MICU1: variants seen among roughly 807,000 people sequenced by gnomAD.
MICU1 encodes the protein calcium uptake protein 1, mitochondrial.
Under a neutral mutation model 56.8 loss-of-function variants are expected in MICU1, and 45 were observed. That is an observed-to-expected ratio of 0.79 (90% CI 0.62 to 1.02). MICU1 has a LOEUF of 1.02. MICU1 is among the 50% of genes least tolerant of loss of function. MICU1 has a pLI of 0.00. For missense variants in MICU1, 504 were observed against 587.1 expected (o/e 0.86, Z 1.46); for synonymous variants, 186 against 195.1 (o/e 0.95, Z 0.39).
At chr10:72,449,036 C>T (rs1243093601) in intron 8 of MICU1, among the ~76,000 whole-genome samples, 9 of 152,134 alleles carry the variant, frequency 5.9e-5, no homozygotes, top group Non-Finnish European at 1.0e-4. Flanking sequence ...TGGGCTCAAG[C>T]GATCTTCCTG....
chr10:72,589,393 C>T (rs1356467810), intron 1 of MICU1, among the ~76,000 whole-genome samples: 1 of 152,114 alleles, frequency 6.6e-6, no homozygotes, highest in Admixed American at 6.5e-5. Context: ...AATGCTTCTT[C>T]TGAAGACTCA....
intron 10 of MICU1, among the ~76,000 whole-genome samples, chr10:72,399,258 A>G (rs1863368759): frequency 6.6e-6 from 1 of 152,060 alleles, no homozygotes; most frequent in Non-Finnish European, 1.5e-5. Context: ...TGGGAACTGA[A>G]CAATGAGATC....
rs146691422 is a variant in MICU1 at position 72,613,250 on chromosome 10, G to A, written c.-2+12760C>T. 9.7e-3 allele frequency among the ~76,000 whole-genome samples: 1,451 copies of A among 150,206 alleles called. 87 individuals carry two copies. Among genetic ancestry groups the A allele is most frequent in the Admixed American group, 0.09 (1,346 of 14,962 alleles). ...CAAAGTAAATTACAGACATTATTAG[G>A]AGAAACACTTTACCCCTAATTTTTT... On this transcript the variant is annotated intron_variant, in intron 1 of 11. Coordinates refer to ENST00000361114, the MANE Select transcript of MICU1 (RefSeq NM_001195518.2).
intron 1 of MICU1, among the ~76,000 whole-genome samples, chr10:72,595,009 A>C (rs753727520): frequency 5.3e-5 from 8 of 151,676 alleles, no homozygotes; most frequent in Non-Finnish European, 1.2e-4. Context: ...TGATACATTT[A>C]TATAAGCATA....
chr10:72,465,017 T>C (rs182398889), intron 8 of MICU1, among the ~76,000 whole-genome samples: 164 of 152,288 alleles, frequency 1.1e-3, no homozygotes, highest in Admixed American at 3.5e-3. Flanking sequence ...AAAAATTTTT[T>C]TGAGATGGAG....
intron 1 of MICU1, among the ~76,000 whole-genome samples, chr10:72,599,491 C>T (rs1464895065): frequency 6.6e-6 from 1 of 152,140 alleles, no homozygotes; most frequent in Non-Finnish European, 1.5e-5. Flanking sequence ...ATGCTCTACA[C>T]ACTACACACC....
At position 72,529,385 on chromosome 10, in the gene MICU1, T is replaced by C. The variant is rs142143907; in HGVS notation, c.537+4361A>G. On this transcript the variant is annotated intron_variant, in intron 5 of 11. Transcript: ENST00000361114. Reference sequence around the variant, plus strand: ...GAAATACATGGTGGTATGATGATAATGAACAATTGGTTTCAATAGACAATT... The same window carrying C: ...GAAATACATGGTGGTATGATGATAACGAACAATTGGTTTCAATAGACAATT... 3.1e-3 allele frequency among the ~76,000 whole-genome samples: 468 copies of C among 152,326 alleles called. 1 individual carries two copies. The highest frequency in any genetic ancestry group is 5.5e-3 in the Non-Finnish European group (377 of 68,012).
chr10:72,540,282 A>AG (rs1839740033), intron 4 of MICU1, among the ~76,000 whole-genome samples: 1 of 151,798 alleles, frequency 6.6e-6, no homozygotes, highest in South Asian at 2.1e-4. Context: ...AAAAAAAAAA[A>AG]AAAAGAAAAG....
intron 8 of MICU1, among the ~76,000 whole-genome samples, chr10:72,439,516 C>T (rs536840509): frequency 6.6e-6 from 1 of 152,274 alleles, no homozygotes; most frequent in South Asian, 2.1e-4. Flanking sequence ...TCTCTCACCA[C>T]TCCTATTCAA....
chr10:72,385,106 C>T lies in MICU1; in HGVS notation c.1181-9234G>A, dbSNP rs1862844004. On this transcript the variant is annotated intron_variant, in intron 10 of 11. Coordinates refer to ENST00000361114, the MANE Select transcript of MICU1 (RefSeq NM_001195518.2). ...TAGGTCCTTCTAGCAGCAGTAGGTG[C>T]CAGGGTACTAATGAGAACCCTGGTG... is the stretch of plus-strand genomic sequence containing the variant. 2.0e-5 allele frequency among the ~76,000 whole-genome samples: 3 copies of T among 152,220 alleles called. No homozygotes were observed. In the South Asian group the frequency reaches 6.2e-4, roughly 32 times the overall value.
intron 8 of MICU1, among the ~76,000 whole-genome samples, chr10:72,454,542 G>C (rs996362291): frequency 1.3e-4 from 19 of 151,878 alleles, no homozygotes; most frequent in African/African-American, 4.6e-4. Context: ...CAGCACTTTG[G>C]GAGGCCAAGG....
At chr10:72,552,713 C>A (rs1482906123) in intron 3 of MICU1, among the ~76,000 whole-genome samples, 1 of 152,104 alleles carries the variant, frequency 6.6e-6, no homozygotes, top group Non-Finnish European at 1.5e-5. Context: ...GGCCATCACG[C>A]CCGGCTAATG....
chr10:72,580,114 CTGT>C (rs1663691083), intron 1 of MICU1, among the ~76,000 whole-genome samples: 1 of 152,078 alleles, frequency 6.6e-6, no homozygotes, highest in South Asian at 2.1e-4. Flanking sequence ...GAGTTTATCA[CTGT>C]TGTTGTGAGA....
At chr10:72,588,098 G>C (rs1841115187) in intron 1 of MICU1, among the ~76,000 whole-genome samples, 1 of 152,146 alleles carries the variant, frequency 6.6e-6, no homozygotes, top group Non-Finnish European at 1.5e-5. Flanking sequence ...TCCCCTCGCT[G>C]TTCTGTGACA....
intron 5 of MICU1, among the ~76,000 whole-genome samples, chr10:72,518,281 G>A (rs1369224311): frequency 1.3e-5 from 2 of 151,964 alleles, no homozygotes; most frequent in African/African-American, 4.8e-5. Flanking sequence ...TGATCCTCCT[G>A]CCTTGGCCTC....
rs1377723491 is a variant in MICU1 at position 72,368,039 on chromosome 10, G to C, written c.*156C>G. On this transcript the variant is annotated 3_prime_UTR_variant, in exon 12 of 12. Transcript: ENST00000361114. The stretch of plus-strand genomic sequence containing the variant: ...CAGAGCCCAGCAGAACACGGGGACG[G>C]GGAAGGGTAAAGAGGGGAAACCGAC... 2.0e-5 allele frequency: 14 copies of C among 711,038 alleles called. No individual in the cohort carries two copies. Among genetic ancestry groups the C allele is most frequent in the Non-Finnish European group, 2.9e-5 (13 of 441,186 alleles). 44.0% of individuals were successfully genotyped at this position (711,038 alleles called of 1,614,324 possible). A position where few individuals can be genotyped will look rare whatever the true frequency, so the allele number is the denominator to read the frequency against.
intron 4 of MICU1, among the ~76,000 whole-genome samples, chr10:72,536,358 A>T (rs6480625): frequency 0.63 from 96,241 of 151,808 alleles, 32,120 homozygotes; most frequent in African/African-American, 0.75. Flanking sequence ...TTAATTAATT[A>T]TTTTTTGAGA....
intron 1 of MICU1, among the ~76,000 whole-genome samples, chr10:72,623,067 G>A (rs1842141234): frequency 1.3e-5 from 2 of 151,726 alleles, no homozygotes; most frequent in South Asian, 2.1e-4. Flanking sequence ...TCAGGGGTTC[G>A]AGACCAGCCT....
intron 1 of MICU1, among the ~76,000 whole-genome samples, chr10:72,615,494 T>A (rs1455564478): frequency 6.6e-6 from 1 of 152,156 alleles, no homozygotes; most frequent in Non-Finnish European, 1.5e-5. Flanking sequence ...AAAGGTTAGA[T>A]CACAGTCAAA....
Sources: allele counts gnomAD v4.1 joint callset (sites outside exome capture counted in the v4.1 genomes callset), GRCh38; gene constraint gnomAD v4.1.1; transcripts MANE v1.5; gene names NCBI Gene and HGNC (gene_info 2026-07-23, HGNC 2026-07-21).